The following SGCE variants were observed in gnomAD, a reference collection of about 807,000 sequenced individuals.
SGCE encodes sarcoglycan epsilon.
Under a neutral mutation model 57.8 loss-of-function variants are expected in SGCE, and 26 were observed. The ratio of observed to expected loss-of-function variants is 0.45; its 90% confidence interval spans 0.33 to 0.62. The LOEUF is 0.62. Among genes scored for constraint, SGCE ranks in the 20% least tolerant of loss-of-function variants. The pLI is 0.02. For synonymous variants in SGCE, 183 were observed against 189.5 expected, an observed-to-expected ratio of 0.97 and a Z score of 0.28; for missense variants, 468 against 548.6, an observed-to-expected ratio of 0.85 and a Z score of 1.47.
At chr7:94,639,509 A>T in intron 1 of SGCE, 1 of 987,668 alleles carries the variant, frequency 1.0e-6, no homozygotes, top group East Asian at 2.6e-5. Flanking sequence ...TTTTAAAATG[A>T]CTGTCACAGA....
At position 94,648,552 on chromosome 7, in the gene SGCE, A is replaced by G. The variant is rs1017374026; in HGVS notation, c.109+7438T>C. Among the ~76,000 whole-genome samples, 5 of 152,292 alleles carry G rather than the reference A, an allele frequency of 3.3e-5. 1 individual carries two copies. In the South Asian group the frequency reaches 1.0e-3, roughly 32 times the overall value. On this transcript the variant is annotated intron_variant, in intron 1 of 10. Transcript: ENST00000648936. ...TAGCAGTAAAACGGTTAGATGAAAA[A>G]TAATACTGTACATTTCAAATTCTGA...
chr7:94,623,848 G>C (rs1478283154), intron 3 of SGCE: 1 of 357,064 alleles, frequency 2.8e-6, no homozygotes, highest in Non-Finnish European at 5.0e-6. Flanking sequence ...GTACTAAACT[G>C]CACCCCAATC....
intron 3 of SGCE, chr7:94,625,804 A>C (rs1023258010): frequency 1.3e-5 from 2 of 151,994 alleles, no homozygotes; most frequent in Non-Finnish European, 2.9e-5. Context: ...TTGGGTCTCT[A>C]TTGTTTTGTG....
intron 9 of SGCE, chr7:94,598,007 T>A: frequency 2.6e-5 from 4 of 153,500 alleles, no homozygotes; most frequent in East Asian, 1.9e-4. Flanking sequence ...AACTCCATCT[T>A]AAAAAAAAAA....
intron 3 of SGCE, chr7:94,624,223 T>C (rs1158757542): frequency 1.5e-5 from 6 of 396,864 alleles, no homozygotes; most frequent in African/African-American, 8.3e-5. Context: ...ACTAACCTTC[T>C]GGCAATGATT....
chr7:94,655,741 C>A (rs944995131), intron 1 of SGCE, among the ~76,000 whole-genome samples: 1 of 148,484 alleles, frequency 6.7e-6, no homozygotes, highest in Non-Finnish European at 1.5e-5. Flanking sequence ...TTTCTGCGCC[C>A]GCAGAGCAGG....
chr7:94,618,812 G>A lies in SGCE; in HGVS notation c.608C>T (p.Ser203Leu), dbSNP rs1227650259. 2 of 1,614,052 alleles carry A rather than the reference G, an allele frequency of 1.2e-6. No homozygotes were observed. Among genetic ancestry groups the A allele is most frequent in the East Asian group, 2.2e-5 (1 of 44,868 alleles). ...CACCCTGCCACCCCTGTCTAGGGCC[G>A]ATGTGATGTTTATGGCGTTCAGGCG... ...PERLNAINIT[S>L]ALDRGGRVPL... The change falls in exon 5 of 11, where the codon TCG becomes TTG. Residue 203 changes from serine to leucine, a missense_variant. By Grantham distance (145) the Ser-to-Leu change is moderately radical. Transcript: ENST00000648936.
chr7:94,615,132 G>C (rs950174799), intron 5 of SGCE, among the ~76,000 whole-genome samples: 2 of 152,142 alleles, frequency 1.3e-5, no homozygotes, highest in Non-Finnish European at 2.9e-5. Context: ...AGGCCAAGGC[G>C]GGTGGATCAT....
chr7:94,616,772 CAAGT>C (rs1201634008), intron 5 of SGCE: 4 of 151,816 alleles, frequency 2.6e-5, no homozygotes, highest in Admixed American at 6.6e-5. Flanking sequence ...AATTATAACT[CAAGT>C]AAGATTTTAT....
At chr7:94,631,116 T>C (rs1320578985) in intron 1 of SGCE, among the ~76,000 whole-genome samples, 1 of 151,788 alleles carries the variant, frequency 6.6e-6, no homozygotes, top group Non-Finnish European at 1.5e-5. Flanking sequence ...AAACTAGGTA[T>C]GCAGAGAGAT....
At chr7:94,636,193 T>TG (rs1805571170) in intron 1 of SGCE, among the ~76,000 whole-genome samples, 1 of 152,242 alleles carries the variant, frequency 6.6e-6, no homozygotes, top group South Asian at 2.1e-4. Flanking sequence ...CATGTGTGTG[T>TG]TTTTTAAATG....
intron 5 of SGCE, among the ~76,000 whole-genome samples, chr7:94,610,585 C>G (rs1423337100): frequency 6.6e-6 from 1 of 152,032 alleles, no homozygotes; most frequent in Non-Finnish European, 1.5e-5. Flanking sequence ...GTAAATATGA[C>G]CTTGGATTAG....
At chr7:94,629,024 T>C (rs1207327267) in intron 2 of SGCE, 2 of 152,170 alleles carry the variant, frequency 1.3e-5, no homozygotes, top group Non-Finnish European at 2.9e-5. Flanking sequence ...TCATATAATC[T>C]TCAAAAAGAA....
chr7:94,593,988 G>T (rs1291367489), intron 9 of SGCE, among the ~76,000 whole-genome samples: 1 of 152,016 alleles, frequency 6.6e-6, no homozygotes, highest in African/African-American at 2.4e-5. Context: ...CATACTCAGA[G>T]CCCCAGAATG....
At chr7:94,628,728 G>A in intron 2 of SGCE, 1 of 237,974 alleles carries the variant, frequency 4.2e-6, no homozygotes, top group Admixed American at 5.3e-5. Flanking sequence ...TGAAACTCTG[G>A]ACACTATCAT....
chr7:94,607,683 A>G (rs1406059172), intron 5 of SGCE, among the ~76,000 whole-genome samples: 1 of 152,224 alleles, frequency 6.6e-6, no homozygotes, highest in Non-Finnish European at 1.5e-5. Context: ...ATTACTCTAA[A>G]TGAGAAACTT....
intron 1 of SGCE, among the ~76,000 whole-genome samples, chr7:94,648,798 G>T (rs1807480229): frequency 6.6e-6 from 1 of 152,182 alleles, no homozygotes; most frequent in Non-Finnish European, 1.5e-5. Context: ...CTCTTATTTT[G>T]CTTTCCAAGG....
intron 1 of SGCE, among the ~76,000 whole-genome samples, chr7:94,645,886 A>G (rs1198649551): frequency 1.3e-5 from 2 of 152,216 alleles, no homozygotes; most frequent in African/African-American, 2.4e-5. Context: ...TTTTAAAAAT[A>G]TATCTTCAAA....
In SGCE at chr7:94,600,788, C is replaced by T. The variant is rs765792098; in HGVS notation, c.895G>A (p.Gly299Arg). The change falls in exon 7 of 11, where the codon GGA (glycine) becomes AGA (arginine). Residue 299 changes from glycine (G) to arginine (R), a missense_variant. By Grantham distance (125) the Gly-to-Arg change is moderately radical. Transcript: ENST00000648936. ...IRGEGILPDGGEYKPPSDSLK... is the reference protein window; with the variant it reads ...IRGEGILPDGREYKPPSDSLK... ...GAATCAGAAGGGGGTTTGTATTCTC[C>T]ACCATCAGGTAAAATCCCCTCTCCA... 8.1e-6 allele frequency: 13 copies of T among 1,613,340 alleles called. No homozygotes were observed. The African/African-American group carries it at 1.1e-4, about 13-fold the overall frequency.
Sources: allele counts gnomAD v4.1 joint callset (sites outside exome capture counted in the v4.1 genomes callset), GRCh38; gene constraint gnomAD v4.1.1; transcripts MANE v1.5; gene names NCBI Gene and HGNC (gene_info 2026-07-23, HGNC 2026-07-21).